Variants in FAAH observed in about 807,000 individuals in gnomAD.
The protein encoded by FAAH is fatty acid amide hydrolase, also known as fatty-acid amide hydrolase 1.
In FAAH, 63 loss-of-function variants were observed where a neutral mutation model predicts 69.7. The observed-to-expected ratio is 0.90, with a 90% CI of 0.74 to 1.12. The LOEUF (loss-of-function observed/expected upper bound fraction) is 1.12. FAAH is among the 50% of genes most tolerant of loss of function. The probability of loss-of-function intolerance (pLI) is 0.00; values close to 1 mark genes in which losing one functional copy is unlikely to be tolerated. For missense variants in FAAH, 680 were observed against 755.0 expected, an observed-to-expected ratio of 0.90 and a Z score of 1.16; for synonymous variants, 305 against 324.2, an observed-to-expected ratio of 0.94 and a Z score of 0.64.
intron 9 of FAAH, 175 bp downstream of exon 9, chr1:46,409,373 C>G: frequency 3.1e-6 from 2 of 651,582 alleles, no homozygotes; most frequent in South Asian, 1.5e-5. Flanking sequence ...CTGGAGATCC[C>G]TTGCCAGGGT....
At chr1:46,395,563 T>A (rs1557755379) in intron 1 of FAAH, among the ~76,000 whole-genome samples, 1 of 152,220 alleles carries the variant, frequency 6.6e-6, no homozygotes, top group Non-Finnish European at 1.5e-5. Flanking sequence ...TGACCCCAGT[T>A]AAAGCCTTCT....
chr1:46,410,622 C>A lies in FAAH; in HGVS notation c.1275+125C>A. The A allele has an allele frequency of 9.3e-7, 1 of 1,075,260 alleles. No homozygotes were observed. 66.6% of individuals were successfully genotyped at this position (1,075,260 alleles called of 1,614,324 possible). ...GGGCAGGCATGGCCTCCTCTTCTCT[C>A]CAGTCCCCACCCAGACTGCTCTCCT... On this transcript the variant is annotated intron_variant, in intron 10 of 14. Transcript: ENST00000243167. This position sits in a 1 kb window ranked among gnomAD's most constrained non-coding sequence, Gnocchi z 4.9.
rs1468926152 is a variant in FAAH, at chr1:46,412,244, G to A, written c.1458G>A (p.Arg486=). 2 of 1,552,370 alleles carry A rather than the reference G, an allele frequency of 1.3e-6. No individual in the cohort carries two copies. Among genetic ancestry groups the A allele is most frequent in the Non-Finnish European group, 8.7e-7 (1 of 1,147,344 alleles). ...APALDLNAPG[R]ATGAVSYTML... Reference sequence around the variant, plus strand: ...CTCTGGACTTGAATGCCCCAGGCAGGGCCACAGGTGAGGCCCGACACCCTG... The same window carrying A: ...CTCTGGACTTGAATGCCCCAGGCAGAGCCACAGGTGAGGCCCGACACCCTG... Residue 486 remains arginine, a synonymous_variant, in exon 13 of 15, where the codon AGG becomes AGA. Coordinates refer to ENST00000243167, the MANE Select transcript of FAAH (RefSeq NM_001441.3).
In FAAH at chr1:46,405,544, C is replaced by T. The variant is rs1471264764; in HGVS notation, c.578+39C>T. 2.5e-6 allele frequency: 4 copies of T among 1,612,806 alleles called. No individual in the cohort carries two copies. The highest frequency in any genetic ancestry group is 2.2e-5 in the East Asian group (1 of 44,870). On this transcript the variant is annotated intron_variant, in intron 4 of 14. Transcript: ENST00000243167. This position sits in a 1 kb window ranked among gnomAD's most constrained non-coding sequence, Gnocchi z 4.1. The stretch of plus-strand genomic sequence containing the variant: ...GTGGGGCGGGGCGGGGCAGGGGCAC[C>T]GGTCCCAGCATGGCACGGGCTGACC...
In FAAH at chr1:46,404,896, T is replaced by C; in HGVS notation, c.310-118T>C. The stretch of plus-strand genomic sequence containing the variant: ...TGCCCCAGGCTCTGGGCCATGTTGC[T>C]GGTTACCCCTCTCCCTGGGTATACT... On this transcript the variant is annotated intron_variant, in intron 2 of 14. Coordinates refer to ENST00000243167, the MANE Select transcript of FAAH (RefSeq NM_001441.3). This position sits in a 1 kb window ranked among gnomAD's most constrained non-coding sequence, Gnocchi z 4.5. 1 of 1,379,612 alleles carries C rather than the reference T, an allele frequency of 7.2e-7. No individual in the cohort carries two copies. 85.5% of individuals were successfully genotyped at this position (1,379,612 alleles called of 1,614,324 possible).
At chr1:46,395,172 C>G (rs1181599439) in intron 1 of FAAH, among the ~76,000 whole-genome samples, 1 of 152,202 alleles carries the variant, frequency 6.6e-6, no homozygotes, top group Non-Finnish European at 1.5e-5. Context: ...AACGCCTGAC[C>G]TCAGTTGATA....
chr1:46,406,028 T>A lies in FAAH; in HGVS notation c.786-10T>A. The A allele has an allele frequency of 6.2e-7, 1 of 1,614,174 alleles. No homozygotes were observed. Among genetic ancestry groups the A allele is most frequent in the Non-Finnish European group, 8.5e-7 (1 of 1,180,018 alleles). ...TTTCCTGTTTCCAGCATCTTATGTT[T>A]CTTATCCAGCAAGAGTGGCCTGAAG... On this transcript the variant is annotated splice_polypyrimidine_tract_variant and intron_variant, in intron 5 of 14. Transcript: ENST00000243167.
At chr1:46,402,320 A>C (rs967140993) in intron 2 of FAAH, 116 bp downstream of exon 2, 13 of 913,572 alleles carry the variant, frequency 1.4e-5, no homozygotes, top group Non-Finnish European at 2.3e-5. Flanking sequence ...GCCTGGAGTT[A>C]GTCCTGCTGG....
rs765745092 is a variant in FAAH at position 46,410,397 on chromosome 1, G to A, written c.1176-1G>A. On this transcript the variant is annotated splice_acceptor_variant, in intron 9 of 14. Coordinates refer to ENST00000243167, the MANE Select transcript of FAAH (RefSeq NM_001441.3). LOFTEE classifies it high-confidence loss of function. This position sits in a 1 kb window ranked among gnomAD's most constrained non-coding sequence, Gnocchi z 4.9. ...CCTGGACCGAGCATTTTGTTTCCCA[G>A]CAAAGGTGATTTCGTGGACCCCTGC... The A allele has an allele frequency of 6.2e-7, 1 of 1,613,910 alleles. No individual in the cohort carries two copies. The highest frequency in any genetic ancestry group is 1.1e-5 in the South Asian group (1 of 91,076).
intron 1 of FAAH, among the ~76,000 whole-genome samples, chr1:46,398,385 G>A (rs1008733711): frequency 3.9e-5 from 6 of 152,102 alleles, no homozygotes; most frequent in African/African-American, 1.4e-4. Flanking sequence ...TGACTGTCTG[G>A]GCAACCTTTC....
At position 46,404,979 on chromosome 1, in the gene FAAH, C is replaced by T. The variant is rs1387616073; in HGVS notation, c.310-35C>T. The T allele has an allele frequency of 8.7e-6, 14 of 1,613,726 alleles. No homozygotes were observed. The Middle Eastern group carries it at 9.9e-4, about 114-fold the overall frequency. On this transcript the variant is annotated intron_variant, in intron 2 of 14. Transcript: ENST00000243167. The surrounding 1 kb of genome is among the most constrained non-coding windows in gnomAD (Gnocchi z 4.5). ...ACCACAATTTCTTAAAAAGGCCAGC[C>T]TCCTTTTATCTTATGTCTACTTCCC...
intron 2 of FAAH, among the ~76,000 whole-genome samples, chr1:46,403,626 T>A (rs1664742454): frequency 6.6e-6 from 1 of 152,212 alleles, no homozygotes; most frequent in Non-Finnish European, 1.5e-5. Flanking sequence ...TGGGTGGGGC[T>A]CCTTTACCTG....
intron 1 of FAAH, among the ~76,000 whole-genome samples, chr1:46,400,188 G>C (rs1442274359): frequency 6.6e-6 from 1 of 152,118 alleles, no homozygotes; most frequent in Non-Finnish European, 1.5e-5. Context: ...TGGGGTGTGG[G>C]GGGTGGGAGG....
chr1:46,410,695 C>A lies in FAAH; in HGVS notation c.1276-119C>A. On this transcript the variant is annotated intron_variant, in intron 10 of 14. Transcript: ENST00000243167. The surrounding 1 kb of genome is among the most constrained non-coding windows in gnomAD (Gnocchi z 4.9). The stretch of plus-strand genomic sequence containing the variant: ...GCCAACCCGCATGCTGAAAGGGGTG[C>A]CGACCTGGGCCCTGGGGGGAGGCAT... 1 of 1,322,874 alleles carries A rather than the reference C, an allele frequency of 7.6e-7. No individual in the cohort carries two copies. Among genetic ancestry groups the A allele is most frequent in the Non-Finnish European group, 1.1e-6 (1 of 916,424 alleles). 81.9% of individuals were successfully genotyped at this position (1,322,874 alleles called of 1,614,324 possible).
chr1:46,406,834 C>G (rs1199613996), intron 7 of FAAH, among the ~76,000 whole-genome samples: 1 of 151,810 alleles, frequency 6.6e-6, no homozygotes, highest in South Asian at 2.1e-4. Flanking sequence ...TCTGGATCTC[C>G]TGACCTCGTG....
chr1:46,413,115 C>T lies in FAAH; in HGVS notation c.1506C>T (p.Phe502=). The T allele has an allele frequency of 6.2e-7, 1 of 1,614,188 alleles. No homozygotes were observed. The highest frequency in any genetic ancestry group is 1.1e-5 in the South Asian group (1 of 91,080). Reference sequence around the variant, plus strand: ...CTATGCTGTACAACTGCCTGGACTTCCCTGCAGGGGTGGTGCCTGTCACCA... The same window carrying T: ...CTATGCTGTACAACTGCCTGGACTTTCCTGCAGGGGTGGTGCCTGTCACCA... ...SYTMLYNCLD[F]PAGVVPVTTV... is the part of the protein sequence containing the mutation. Residue 502 remains phenylalanine (F), a synonymous_variant, in exon 14 of 15, where the codon TTC becomes TTT. Coordinates refer to ENST00000243167, the MANE Select transcript of FAAH (RefSeq NM_001441.3).
At chr1:46,399,483 A>T (rs1664658653) in intron 1 of FAAH, among the ~76,000 whole-genome samples, 1 of 152,250 alleles carries the variant, frequency 6.6e-6, no homozygotes, top group Admixed American at 6.5e-5. Flanking sequence ...AACAGGCAAG[A>T]ACATAGGAAA....
At position 46,394,521 on chromosome 1, in the gene FAAH, C is replaced by T; in HGVS notation, c.173C>T (p.Ala58Val). Residue 58 changes from alanine to valine, a missense_variant, in exon 1 of 15, where the codon GCG (alanine) becomes GTG (valine). Ala to Val is a moderately conservative substitution (Grantham distance 64). Coordinates refer to ENST00000243167, the MANE Select transcript of FAAH (RefSeq NM_001441.3). ...QRAGLENMDR[A>V]AQRFRLQNPD... The stretch of plus-strand genomic sequence containing the variant: ...GCGGGCCTGGAGAACATGGACAGGG[C>T]GGCGCAGCGCTTCCGGCTCCAGGTG... 2.9e-6 allele frequency: 4 copies of T among 1,377,084 alleles called. No homozygotes were observed. Among genetic ancestry groups the T allele is most frequent in the Non-Finnish European group, 3.7e-6 (4 of 1,071,270 alleles). 85.3% of individuals were successfully genotyped at this position (1,377,084 alleles called of 1,614,324 possible).
In FAAH at chr1:46,406,393, A is replaced by G. The variant is rs78353126; in HGVS notation, c.951+25A>G. 4,209 of 1,613,482 alleles carry G rather than the reference A, an allele frequency of 2.6e-3. 48 individuals are homozygous for G. Among genetic ancestry groups the G allele is most frequent in the East Asian group, 0.021 (962 of 44,862 alleles). ...GGTGAGCAGGGCTGGGTGGGCATGA[A>G]TGTGGACCGCTGAACCCAGACAGCC... On this transcript the variant is annotated intron_variant, in intron 7 of 14. Coordinates refer to ENST00000243167, the MANE Select transcript of FAAH (RefSeq NM_001441.3).
Sources: gnomAD v4.1 joint callset for allele counts (sites outside exome capture counted in the v4.1 genomes callset) on GRCh38, gnomAD v4.1.1 for gene constraint, Gnocchi (gnomAD v3.1) non-coding constraint, MANE v1.5 for transcripts, NCBI Gene and HGNC (gene_info 2026-07-23, HGNC 2026-07-21) for gene names.